The following RANBP17 variants were observed in gnomAD, a reference collection of about 807,000 sequenced individuals.
The protein encoded by RANBP17 is ran-binding protein 17.
RANBP17 carries 158 observed loss-of-function variants against 141.2 expected under a neutral mutation model. The ratio of observed to expected loss-of-function variants is 1.12; its 90% confidence interval spans 0.98 to 1.28. The LOEUF is 1.28. Among genes scored for constraint, RANBP17 ranks in the 50% most tolerant of loss-of-function variants. The pLI, the probability that RANBP17 is intolerant of heterozygous loss-of-function variation, is 0.00. For synonymous variants in RANBP17, 430 were observed against 450.0 expected, an observed-to-expected ratio of 0.96 and a Z score of 0.56; for missense variants, 1,438 against 1,290.7, an observed-to-expected ratio of 1.11 and a Z score of -1.75.
At chr5:170,911,192 A>G (rs1318338926) in intron 7 of RANBP17, 58 bp downstream of exon 7, 1 of 1,480,726 alleles carries the variant, frequency 6.8e-7, no homozygotes, top group East Asian at 2.3e-5. Flanking sequence ...ATTAAGCAAT[A>G]TAGTTTCTGT....
At chr5:171,116,824 C>T (rs1755663424) in intron 14 of RANBP17, among the ~76,000 whole-genome samples, 2 of 152,118 alleles carry the variant, frequency 1.3e-5, no homozygotes, top group South Asian at 4.1e-4. Flanking sequence ...TTCTCCCTAG[C>T]CTTTCCCAGA....
At chr5:171,119,408 A>C (rs745936734) in intron 14 of RANBP17, among the ~76,000 whole-genome samples, 8 of 152,060 alleles carry the variant, frequency 5.3e-5, no homozygotes. Flanking sequence ...AATTTCCTTC[A>C]CATCATTTTT....
chr5:170,974,444 G>A (rs1200098108), intron 14 of RANBP17, among the ~76,000 whole-genome samples: 2 of 152,126 alleles, frequency 1.3e-5, no homozygotes, highest in African/African-American at 4.8e-5. Context: ...GTAGGGATTA[G>A]GCTCCCAAGG....
chr5:171,040,224 A>G (rs1214209008), intron 14 of RANBP17, among the ~76,000 whole-genome samples: 2 of 152,202 alleles, frequency 1.3e-5, no homozygotes, highest in African/African-American at 4.8e-5. Flanking sequence ...ACATAATGCA[A>G]ATCAATAAAT....
At chr5:170,899,820 A>G (rs1450435633) in intron 5 of RANBP17, among the ~76,000 whole-genome samples, 1 of 152,192 alleles carries the variant, frequency 6.6e-6, no homozygotes, top group African/African-American at 2.4e-5. Context: ...GATTATGTTT[A>G]TTGATTTGCA....
chr5:171,251,719 A>G (rs939837695), intron 24 of RANBP17: 2 of 665,056 alleles, frequency 3.0e-6, no homozygotes, highest in East Asian at 6.1e-5. Context: ...CTCGGGGTCC[A>G]CCCGCGGGCT....
intron 5 of RANBP17, among the ~76,000 whole-genome samples, chr5:170,907,274 C>A (rs1392593107): frequency 2.6e-5 from 4 of 151,034 alleles, no homozygotes; most frequent in Non-Finnish European, 5.9e-5. Flanking sequence ...AAGGTAGAGG[C>A]ATATATATGC....
At chr5:171,083,134 T>C (rs1375956270) in intron 14 of RANBP17, among the ~76,000 whole-genome samples, 1 of 152,244 alleles carries the variant, frequency 6.6e-6, no homozygotes. Flanking sequence ...CCTAGTTACT[T>C]TGCATTTACA....
At chr5:171,255,892 T>C (rs1765853450) in intron 24 of RANBP17, among the ~76,000 whole-genome samples, 2 of 152,150 alleles carry the variant, frequency 1.3e-5, no homozygotes, top group South Asian at 4.1e-4. Flanking sequence ...TTATTGTAAC[T>C]AAAAAAGTAA....
At chr5:171,160,736 T>G (rs1318513486) in intron 14 of RANBP17, among the ~76,000 whole-genome samples, 1 of 152,320 alleles carries the variant, frequency 6.6e-6, no homozygotes, top group East Asian at 1.9e-4. Flanking sequence ...GTCATTAGCC[T>G]CAGTTGCCAC....
intron 25 of RANBP17, among the ~76,000 whole-genome samples, chr5:171,282,844 A>G (rs1292336644): frequency 6.6e-6 from 1 of 152,080 alleles, no homozygotes; most frequent in East Asian, 1.9e-4. Flanking sequence ...GACCCTGTGG[A>G]GAATGGTTAA....
At chr5:171,282,271 G>C (rs556952049) in intron 25 of RANBP17, among the ~76,000 whole-genome samples, 2 of 152,218 alleles carry the variant, frequency 1.3e-5, no homozygotes, top group South Asian at 4.1e-4. Context: ...TTCCTGACAG[G>C]GTACACTATT....
chr5:171,116,970 C>T (rs571535955), intron 14 of RANBP17, among the ~76,000 whole-genome samples: 1 of 152,270 alleles, frequency 6.6e-6, no homozygotes, highest in African/African-American at 2.4e-5. Flanking sequence ...CAGTTGCATC[C>T]ATGATTCTGT....
intron 11 of RANBP17, among the ~76,000 whole-genome samples, chr5:170,922,526 G>A (rs1191473261): frequency 6.6e-6 from 1 of 152,104 alleles, no homozygotes; most frequent in Non-Finnish European, 1.5e-5. Flanking sequence ...CAGCAATGGC[G>A]GACCCCCCTT....
At chr5:170,912,241 A>G (rs1332780607) in intron 7 of RANBP17, among the ~76,000 whole-genome samples, 2 of 151,842 alleles carry the variant, frequency 1.3e-5, no homozygotes, top group East Asian at 3.9e-4. Context: ...CTGAAAACAC[A>G]CATCTACACA....
intron 14 of RANBP17, among the ~76,000 whole-genome samples, chr5:171,032,878 A>G (rs761257977): frequency 1.3e-5 from 2 of 152,204 alleles, no homozygotes; most frequent in Non-Finnish European, 2.9e-5. Context: ...TTATTGTACC[A>G]TAATGGGTTG....
chr5:171,009,368 G>T (rs774891513), intron 14 of RANBP17, among the ~76,000 whole-genome samples: 6 of 152,008 alleles, frequency 3.9e-5, no homozygotes, highest in Non-Finnish European at 5.9e-5. Flanking sequence ...TGTAACTTTG[G>T]GTAAGTTGCT....
chr5:170,872,220 A>T (rs1258534042), intron 1 of RANBP17, among the ~76,000 whole-genome samples: 1 of 152,160 alleles, frequency 6.6e-6, no homozygotes, highest in Non-Finnish European at 1.5e-5. Context: ...TTCTTCTTGA[A>T]GAAGTCCCTC....
chr5:171,063,620 C>T (rs552376604), intron 14 of RANBP17, among the ~76,000 whole-genome samples: 36 of 152,314 alleles, frequency 2.4e-4, no homozygotes, highest in African/African-American at 7.9e-4. Context: ...GGTCAGGGAC[C>T]GACTTGAGGA....
Sources: gnomAD v4.1 joint callset for allele counts (sites outside exome capture counted in the v4.1 genomes callset) on GRCh38, gnomAD v4.1.1 for gene constraint, MANE v1.5 for transcripts, NCBI Gene and HGNC (gene_info 2026-07-23, HGNC 2026-07-21) for gene names.